The following TBC1D2B variants were observed in gnomAD, a reference collection of about 807,000 sequenced individuals.
The protein encoded by TBC1D2B is TBC1 domain family member 2B, also known as TBC1 domain family, member 2B.
Under a neutral mutation model 100.8 loss-of-function variants are expected in TBC1D2B, and 64 were observed. The ratio of observed to expected loss-of-function variants is 0.64; its 90% confidence interval spans 0.52 to 0.78. The LOEUF is 0.78. TBC1D2B is among the 30% of genes least tolerant of loss of function. The pLI is 0.00. For missense variants in TBC1D2B, 1,052 were observed against 1,218.4 expected (o/e 0.86, Z 2.03); for synonymous variants, 480 against 479.7 (o/e 1.00, Z -0.01).
At chr15:78,017,431 C>G (rs2072405672) in intron 7 of TBC1D2B, 1 of 156,012 alleles carries the variant, frequency 6.4e-6, no homozygotes, top group Non-Finnish European at 1.4e-5. Context: ...AACTGAACAG[C>G]ATAAATCAAA....
chr15:78,030,858 G>A (rs1255685741), intron 3 of TBC1D2B, among the ~76,000 whole-genome samples: 1 of 152,138 alleles, frequency 6.6e-6, no homozygotes, highest in Non-Finnish European at 1.5e-5. Context: ...ATAAACTGTG[G>A]CATATTCATA....
Position 78,028,403 on chromosome 15 carries a change from G to A in TBC1D2B, c.847+1604C>T, listed in dbSNP as rs567191613. The stretch of plus-strand genomic sequence containing the variant: ...GGCAGAATCGCTTAACCCGGAAGGC[G>A]GAGGTTGCAATGAGCCGAGATCGCG... On this transcript the variant is annotated intron_variant, in intron 4 of 12. Coordinates refer to ENST00000300584, the MANE Select transcript of TBC1D2B (RefSeq NM_144572.2). Among the ~76,000 whole-genome samples the A allele has an allele frequency of 1.1e-4, 16 of 152,342 alleles. No individual in the cohort carries two copies. The East Asian group carries it at 1.3e-3, about 13-fold the overall frequency.
chr15:78,004,289 C>T lies in TBC1D2B; in HGVS notation c.2389-799G>A, dbSNP rs756934804. On this transcript the variant is annotated intron_variant, in intron 10 of 12. Transcript: ENST00000300584. ...AGGGAAGGCCAGACACGTGGACCATCCTAACCATGGCCAGGCCCTGGTAAC... is the reference window on the plus strand; with the variant it reads ...AGGGAAGGCCAGACACGTGGACCATTCTAACCATGGCCAGGCCCTGGTAAC... Among the ~76,000 whole-genome samples, 3 of 152,320 alleles carry T rather than the reference C, an allele frequency of 2.0e-5. No homozygotes were observed. In the East Asian group the frequency reaches 5.8e-4, roughly 29 times the overall value.
intron 8 of TBC1D2B, among the ~76,000 whole-genome samples, chr15:78,015,367 T>C (rs2141665663): frequency 6.6e-6 from 1 of 152,364 alleles, no homozygotes; most frequent in Middle Eastern, 3.4e-3. Context: ...TCTACTTCTT[T>C]GTATGTTTTA....
intron 1 of TBC1D2B, among the ~76,000 whole-genome samples, chr15:78,060,951 TATA>T (rs2073530867): frequency 6.6e-6 from 1 of 151,046 alleles, no homozygotes; most frequent in Non-Finnish European, 1.5e-5. Flanking sequence ...CTCTTTAAAA[TATA>T]ATAATAATAG....
intron 1 of TBC1D2B, chr15:78,066,115 C>G: frequency 2.1e-6 from 1 of 470,214 alleles, no homozygotes; most frequent in Non-Finnish European, 4.4e-6. Flanking sequence ...TGGAGCCTCC[C>G]TCTGAATGCT....
intron 12 of TBC1D2B, among the ~76,000 whole-genome samples, chr15:78,000,097 CT>C (rs2141611529): frequency 6.6e-6 from 1 of 152,352 alleles, no homozygotes; most frequent in East Asian, 1.9e-4. Flanking sequence ...ATTATGGGCC[CT>C]TGCAGTCTTG....
intron 6 of TBC1D2B, among the ~76,000 whole-genome samples, chr15:78,021,521 A>T (rs1322717790): frequency 2.0e-5 from 3 of 152,068 alleles, no homozygotes; most frequent in Non-Finnish European, 4.4e-5. Context: ...TGCAGAGGAG[A>T]CCTGCATGAG....
In TBC1D2B at chr15:77,997,685, C is replaced by CTT. The variant is rs2071799297; in HGVS notation, c.*473_*474dup. On this transcript the variant is annotated 3_prime_UTR_variant, in exon 13 of 13. Transcript: ENST00000300584. Reference sequence around the variant, plus strand: ...TAAGGCAGCCCCTTTTCATACCAACCTTATGCCTGAGGCAGCAACCCTCTG... The same window carrying CTT: ...TAAGGCAGCCCCTTTTCATACCAACCTTTTATGCCTGAGGCAGCAACCCTCTG... 6.5e-6 allele frequency: 1 copy of CTT among 152,918 alleles called. No individual in the cohort carries two copies. Among genetic ancestry groups the CTT allele is most frequent in the Admixed American group, 6.5e-5 (1 of 15,310 alleles). 9.5% of individuals were successfully genotyped at this position (152,918 alleles called of 1,614,324 possible).
At chr15:78,065,832 T>G (rs201853867) in intron 1 of TBC1D2B, among the ~76,000 whole-genome samples, 6 of 152,156 alleles carry the variant, frequency 3.9e-5, no homozygotes, top group Non-Finnish European at 7.4e-5. Context: ...CACCAGAGAT[T>G]TGGGAGGCAG....
chr15:78,027,917 T>C (rs1181647055), intron 4 of TBC1D2B, among the ~76,000 whole-genome samples: 1 of 152,002 alleles, frequency 6.6e-6, no homozygotes, highest in Non-Finnish European at 1.5e-5. Context: ...TTCTACACCA[T>C]GTCACACTGG....
At chr15:78,029,160 C>T (rs2072746028) in intron 4 of TBC1D2B, among the ~76,000 whole-genome samples, 1 of 151,944 alleles carries the variant, frequency 6.6e-6, no homozygotes, top group Non-Finnish European at 1.5e-5. Context: ...AGGTTCACGC[C>T]ATTCTCCTGC....
rs1243343669 is a variant in TBC1D2B, at chr15:78,045,047, T to C, written c.536A>G (p.Asn179Ser). ...DNTDLIYPHP[N>S]ASAEKARNVL... is the part of the protein sequence containing the mutation. The stretch of plus-strand genomic sequence containing the variant: ...ATTTCTGGCTTTTTCTGCAGAAGCA[T>C]TTGGGTGTGGGTAAATTAAATCTGA... Residue 179 changes from asparagine to serine, a missense_variant, in exon 3 of 13, where the codon AAT (asparagine) becomes AGT (serine). Asn to Ser is a conservative substitution (Grantham distance 46). Coordinates refer to ENST00000300584, the MANE Select transcript of TBC1D2B (RefSeq NM_144572.2). 1 of 1,609,860 alleles carries C rather than the reference T, an allele frequency of 6.2e-7. No homozygotes were observed. The highest frequency in any genetic ancestry group is 8.5e-7 in the Non-Finnish European group (1 of 1,177,562).
At chr15:78,005,854 A>G (rs1216836794) in intron 10 of TBC1D2B, among the ~76,000 whole-genome samples, 2 of 152,172 alleles carry the variant, frequency 1.3e-5, no homozygotes, top group Non-Finnish European at 2.9e-5. Flanking sequence ...TAGATTTTAC[A>G]TTTATGTTTA....
At chr15:78,061,745 AAATG>A (rs1460117826) in intron 1 of TBC1D2B, among the ~76,000 whole-genome samples, 4 of 151,682 alleles carry the variant, frequency 2.6e-5, no homozygotes, top group Admixed American at 6.6e-5. Flanking sequence ...AAAAACCATT[AAATG>A]AATGAATTTA....
chr15:78,054,052 C>T lies in TBC1D2B; in HGVS notation c.496G>A (p.Val166Ile). The T allele has an allele frequency of 6.2e-7, 1 of 1,613,440 alleles. No homozygotes were observed. Among genetic ancestry groups the T allele is most frequent in the Non-Finnish European group, 8.5e-7 (1 of 1,179,640 alleles). Residue 166 changes from valine (V) to isoleucine (I), a missense_variant, in exon 2 of 13, where the codon GTA (valine) becomes ATA (isoleucine). By Grantham distance (29) the Val-to-Ile change is conservative. This residue lies in a region of TBC1D2B where 627 missense variants were observed against 646.1 expected (regional missense o/e 0.97). Coordinates refer to ENST00000300584, the MANE Select transcript of TBC1D2B (RefSeq NM_144572.2). Reference sequence around the variant, plus strand: ...GCCTTACCAGTGTTATCTCTGGCTACAAGACCCTTAGGAAAATCCCCGGGA... The same window carrying T: ...GCCTTACCAGTGTTATCTCTGGCTATAAGACCCTTAGGAAAATCCCCGGGA... ...PTPGDFPKGLVARDNTDLIYP... is the reference protein window; with the variant it reads ...PTPGDFPKGLIARDNTDLIYP...
chr15:78,060,489 A>G (rs1426073714), intron 1 of TBC1D2B, among the ~76,000 whole-genome samples: 1 of 151,810 alleles, frequency 6.6e-6, no homozygotes, highest in East Asian at 1.9e-4. Flanking sequence ...AAAAAAAAAA[A>G]AAATTAGCCA....
rs992716570 is a variant in TBC1D2B, at chr15:77,995,684, T to C, written c.*2476A>G. 4.7e-4 allele frequency: 72 copies of C among 152,604 alleles called. No homozygotes were observed. The highest frequency in any genetic ancestry group is 1.5e-3 in the African/African-American group (63 of 41,564). 9.5% of individuals were successfully genotyped at this position (152,604 alleles called of 1,614,324 possible). ...ATAAAAAACCCCATCCATTTAAAAG[T>C]TGGCAATTCCTAGCAGGTGTTGGGA... On this transcript the variant is annotated 3_prime_UTR_variant, in exon 13 of 13. Transcript: ENST00000300584.
Position 78,012,951 on chromosome 15 carries a change from C to T in TBC1D2B, c.2142G>A (p.Leu714=), listed in dbSNP as rs1486770686. 1 of 1,568,872 alleles carries T rather than the reference C, an allele frequency of 6.4e-7. No individual in the cohort carries two copies. Among genetic ancestry groups the T allele is most frequent in the Non-Finnish European group, 8.7e-7 (1 of 1,154,478 alleles). Residue 714 remains leucine, a synonymous_variant, in exon 9 of 13, where the codon TTG becomes TTA. Transcript: ENST00000300584. ...NPASKQIELD[L]LRTLPNNKHY... ...GTTTGTTGTTGGGCAGAGTTCGCAGCAAGTCCAGCTCAATCTGCTTGGAGG... is the reference window on the plus strand; with the variant it reads ...GTTTGTTGTTGGGCAGAGTTCGCAGTAAGTCCAGCTCAATCTGCTTGGAGG...
Sources: gnomAD v4.1 joint callset for allele counts (sites outside exome capture counted in the v4.1 genomes callset) on GRCh38, gnomAD v4.1.1 for gene constraint, gnomAD v4.1.1 regional missense constraint, MANE v1.5 for transcripts, NCBI Gene and HGNC (gene_info 2026-07-23, HGNC 2026-07-21) for gene names.